Variants in TAF2 observed in about 807,000 individuals in gnomAD.
The protein encoded by TAF2 is transcription initiation factor TFIID subunit 2.
TAF2 carries 61 observed loss-of-function variants against 138.5 expected under a neutral mutation model. The observed-to-expected ratio is 0.44, with a 90% CI of 0.36 to 0.54. The LOEUF is 0.54. Ranked by LOEUF, TAF2 falls within the 20% of genes least tolerant of loss-of-function variation. TAF2 has a pLI of 0.00. For synonymous variants in TAF2, 475 were observed against 469.9 expected (o/e 1.01, Z -0.14); for missense variants, 1,090 against 1,427.9 (o/e 0.76, Z 3.81).
chr8:119,798,843 T>A (rs1824020419), intron 6 of TAF2, among the ~76,000 whole-genome samples: 1 of 152,154 alleles, frequency 6.6e-6, no homozygotes, highest in Admixed American at 6.5e-5. Context: ...GTATTACTAA[T>A]AATCAGGGCC....
chr8:119,780,333 C>G (rs1050584316), intron 17 of TAF2, among the ~76,000 whole-genome samples: 3 of 151,976 alleles, frequency 2.0e-5, no homozygotes, highest in African/African-American at 7.3e-5. Context: ...GATCTTAATT[C>G]CAAAAAAGAT....
intron 2 of TAF2, among the ~76,000 whole-genome samples, chr8:119,826,890 C>T (rs1020480250): frequency 7.9e-5 from 12 of 152,104 alleles, no homozygotes; most frequent in Non-Finnish European, 1.5e-4. Context: ...CCAGCCTCCT[C>T]CTTCTTAAGA....
intron 9 of TAF2, among the ~76,000 whole-genome samples, chr8:119,793,927 C>T (rs1318520455): frequency 6.8e-6 from 1 of 146,626 alleles, no homozygotes; most frequent in Non-Finnish European, 1.5e-5. Context: ...GGGTTGGGGG[C>T]AGTTGTTTTG....
chr8:119,831,727 G>A lies in TAF2; in HGVS notation c.88C>T (p.His30Tyr), dbSNP rs1285606832. 3 of 1,594,826 alleles carry A rather than the reference G, an allele frequency of 1.9e-6. No homozygotes were observed. Among genetic ancestry groups the A allele is most frequent in the Non-Finnish European group, 2.6e-6 (3 of 1,167,090 alleles). ...FESPRPYKLT[H>Y]QVVCINNINF... ...ATGTTGTTGATGCAGACGACCTGAT[G>A]GGTTGTATATTAATAAATATAAAAA... Residue 30 changes from histidine to tyrosine, a missense_variant, in exon 2 of 26, where the codon CAT (histidine) becomes TAT (tyrosine). Physicochemically the swap from His to Tyr is moderately conservative, Grantham distance 83. Around this residue, in one of 3 missense-constraint regions of TAF2, gnomAD observed 504 missense variants for 680.9 expected, o/e 0.74. Transcript: ENST00000378164.
At chr8:119,768,644 T>G (rs1821614016) in intron 18 of TAF2, among the ~76,000 whole-genome samples, 1 of 152,220 alleles carries the variant, frequency 6.6e-6, no homozygotes, top group Non-Finnish European at 1.5e-5. Flanking sequence ...AGTTGTTGGG[T>G]AGAATAATCT....
At chr8:119,829,772 C>T (rs1826324660) in intron 2 of TAF2, among the ~76,000 whole-genome samples, 1 of 151,970 alleles carries the variant, frequency 6.6e-6, no homozygotes, top group Admixed American at 6.6e-5. Flanking sequence ...GTGCATCAAA[C>T]TCTTAGGTCA....
chr8:119,774,533 C>T (rs922977025), intron 18 of TAF2, among the ~76,000 whole-genome samples: 25 of 150,144 alleles, frequency 1.7e-4, no homozygotes, highest in African/African-American at 1.5e-4. Context: ...TTAGTGTTAG[C>T]GTATTTTACG....
rs546445695 is a variant in TAF2 at position 119,731,049 on chromosome 8, T to C, written c.*875A>G. 5 of 152,288 alleles carry C rather than the reference T, an allele frequency of 3.3e-5. No individual in the cohort carries two copies. Among genetic ancestry groups the C allele is most frequent in the African/African-American group, 1.2e-4 (5 of 41,582 alleles). The allele number at this position is 152,288 out of a possible 1,614,324, so 9.4% of individuals were successfully genotyped here. On this transcript the variant is annotated 3_prime_UTR_variant, in exon 26 of 26. Transcript: ENST00000378164. ...TATTTCCAGGTTAATAAACAATATA[T>C]AAGCTCACCTTTTTAAAGGTATCAT...
chr8:119,783,420 G>A lies in TAF2; in HGVS notation c.2073C>T (p.Phe691=), dbSNP rs1822809743. The A allele has an allele frequency of 1.2e-6, 2 of 1,613,996 alleles. 1 individual carries two copies. Among genetic ancestry groups the A allele is most frequent in the Non-Finnish European group, 1.7e-6 (2 of 1,180,016 alleles). ...AGCAAGCTGACATTCTTACTCTGTA[G>A]AAACACTGCTCTTGTTCTAATATAT... The part of the protein sequence containing the change: ...LTDILEQEQC[F]YRVRMSACFC... Residue 691 remains phenylalanine, a synonymous_variant, in exon 16 of 26, where the codon TTC becomes TTT. Transcript: ENST00000378164.
intron 21 of TAF2, 150 bp downstream of exon 21, chr8:119,757,923 G>T: frequency 1.4e-6 from 1 of 725,532 alleles, no homozygotes; most frequent in Non-Finnish European, 2.3e-6. Context: ...CTTTTATGTT[G>T]AAAATCAAAT....
chr8:119,759,084 G>A (rs1419819880), intron 20 of TAF2, among the ~76,000 whole-genome samples: 1 of 152,050 alleles, frequency 6.6e-6, no homozygotes, highest in African/African-American at 2.4e-5. Context: ...TGGCAACAAT[G>A]ACATATTTGG....
chr8:119,741,841 T>C (rs1279148117), intron 25 of TAF2, among the ~76,000 whole-genome samples: 2 of 152,224 alleles, frequency 1.3e-5, no homozygotes, highest in Non-Finnish European at 2.9e-5. Context: ...CCCTGTTCCT[T>C]GAGAATTTGA....
Position 119,732,097 on chromosome 8 carries a change from G to A in TAF2, c.3427C>T (p.His1143Tyr). The A allele has an allele frequency of 6.2e-6, 10 of 1,614,186 alleles. No individual in the cohort carries two copies. The highest frequency in any genetic ancestry group is 8.5e-6 in the Non-Finnish European group (10 of 1,180,030). ...TGATGGTGGTGATGGTGGTCACTGT[G>A]TTTGGAGGCTGTAGATTCCTTAGTA... ...VFTKESTASKHSDHHHHHHHE... is the reference protein window; with the variant it reads ...VFTKESTASKYSDHHHHHHHE... The change falls in exon 26 of 26, where the codon CAC becomes TAC. Residue 1143 changes from histidine (H) to tyrosine (Y), a missense_variant. Physicochemically the swap from His to Tyr is moderately conservative, Grantham distance 83. This residue lies in a region of TAF2 where 580 missense variants were observed against 719.6 expected (regional missense o/e 0.81). Coordinates refer to ENST00000378164, the MANE Select transcript of TAF2 (RefSeq NM_003184.4).
At position 119,799,767 on chromosome 8, in the gene TAF2, A is replaced by G. The variant is rs553339371; in HGVS notation, c.793-1921T>C. ...GGTTGAACTAGTTTACAGTCCCACC[A>G]ACAGTGTAAAAGTGTTCCTATTTCT... On this transcript the variant is annotated intron_variant, in intron 6 of 25. Coordinates refer to ENST00000378164, the MANE Select transcript of TAF2 (RefSeq NM_003184.4). Among the ~76,000 whole-genome samples the G allele has an allele frequency of 5.8e-3, 878 of 152,322 alleles. 8 individuals are homozygous for G. Among genetic ancestry groups the G allele is most frequent in the African/African-American group, 0.02 (846 of 41,566 alleles).
chr8:119,742,887 G>A (rs1819695252), intron 24 of TAF2, among the ~76,000 whole-genome samples: 1 of 151,818 alleles, frequency 6.6e-6, no homozygotes, highest in East Asian at 1.9e-4. Flanking sequence ...TTCAAGACCA[G>A]CCTAGACCCC....
At chr8:119,766,601 C>T (rs886497129) in intron 18 of TAF2, among the ~76,000 whole-genome samples, 1 of 151,998 alleles carries the variant, frequency 6.6e-6, no homozygotes, top group African/African-American at 2.4e-5. Context: ...ACAAGCCTGG[C>T]CAAAACAGTG....
intron 23 of TAF2, 138 bp downstream of exon 23, chr8:119,746,567 T>G: frequency 2.2e-6 from 2 of 898,074 alleles, no homozygotes; most frequent in Non-Finnish European, 3.6e-6. Context: ...ACTAATCAAA[T>G]GTCAGCCAGC....
intron 18 of TAF2, among the ~76,000 whole-genome samples, chr8:119,774,850 A>C (rs1822107599): frequency 6.6e-6 from 1 of 152,136 alleles, no homozygotes; most frequent in Non-Finnish European, 1.5e-5. Context: ...CATATGAATA[A>C]ATAGCTCATT....
chr8:119,785,696 T>C (rs1822963475), intron 14 of TAF2, among the ~76,000 whole-genome samples: 1 of 152,202 alleles, frequency 6.6e-6, no homozygotes, highest in Non-Finnish European at 1.5e-5. Context: ...GCTAATAAAA[T>C]ATCTTAAGAG....
Sources: gnomAD v4.1 joint callset for allele counts (sites outside exome capture counted in the v4.1 genomes callset) on GRCh38, gnomAD v4.1.1 for gene constraint, gnomAD v4.1.1 regional missense constraint, MANE v1.5 for transcripts, NCBI Gene and HGNC (gene_info 2026-07-23, HGNC 2026-07-21) for gene names.